TRPC4AP: variants seen among roughly 807,000 people sequenced by gnomAD.
TRPC4AP encodes transient receptor potential cation channel subfamily C member 4 associated protein.
Under a neutral mutation model 99.0 loss-of-function variants are expected in TRPC4AP, and 45 were observed. The observed-to-expected ratio is 0.45, with a 90% CI of 0.36 to 0.58. The LOEUF (loss-of-function observed/expected upper bound fraction) is 0.58, where lower values mean the gene tolerates loss of function less well. Among genes scored for constraint, TRPC4AP ranks in the 20% least tolerant of loss-of-function variants. TRPC4AP has a pLI of 0.00. For missense variants in TRPC4AP, 879 were observed against 985.3 expected (o/e 0.89, Z 1.44); for synonymous variants, 408 against 385.8 (o/e 1.06, Z -0.67).
intron 10 of TRPC4AP, among the ~76,000 whole-genome samples, chr20:35,015,749 A>G (rs982224781): frequency 6.6e-6 from 1 of 152,104 alleles, no homozygotes. Flanking sequence ...TCGGCCTCCC[A>G]AAGTGCTGGG....
chr20:35,002,726 CT>C lies in TRPC4AP; in HGVS notation c.*419del. ...CCACCCCTGCCCAGGGCTCAGAAGC[CT>C]TTGCCTGGGTCCAAAGGCCAGGGAC... is the stretch of plus-strand genomic sequence containing the variant. On this transcript the variant is annotated 3_prime_UTR_variant, in exon 19 of 19. Coordinates refer to ENST00000252015, the MANE Select transcript of TRPC4AP (RefSeq NM_015638.3). The C allele has an allele frequency of 5.5e-6, 1 of 182,894 alleles. No individual in the cohort carries two copies. The highest frequency in any genetic ancestry group is 1.1e-5 in the Non-Finnish European group (1 of 87,118). The allele number at this position is 182,894 out of a possible 1,614,324, so 11.3% of individuals were successfully genotyped here.
chr20:35,076,313 G>C (rs574489445), intron 2 of TRPC4AP, among the ~76,000 whole-genome samples: 1 of 152,210 alleles, frequency 6.6e-6, no homozygotes, highest in African/African-American at 2.4e-5. Flanking sequence ...GTGAGGAGCT[G>C]TGTTCCTTTG....
intron 8 of TRPC4AP, among the ~76,000 whole-genome samples, chr20:35,029,446 C>T (rs962001024): frequency 1.3e-4 from 20 of 152,030 alleles, no homozygotes; most frequent in African/African-American, 4.6e-4. Context: ...AATCTATTCA[C>T]ATTTAATGTT....
intron 1 of TRPC4AP, among the ~76,000 whole-genome samples, chr20:35,082,428 A>G (rs986624407): frequency 6.6e-6 from 1 of 152,242 alleles, no homozygotes; most frequent in Non-Finnish European, 1.5e-5. Context: ...AAAGATAGTT[A>G]TAAAATCCCC....
intron 15 of TRPC4AP, 128 bp from the exon 16 acceptor site, chr20:35,005,931 G>T: frequency 1.3e-6 from 1 of 763,352 alleles, no homozygotes; most frequent in Middle Eastern, 3.8e-4. Flanking sequence ...TAGGAAGACA[G>T]AGGCTCAGAT....
intron 6 of TRPC4AP, among the ~76,000 whole-genome samples, chr20:35,046,012 C>T (rs2083554636): frequency 6.6e-6 from 1 of 152,164 alleles, no homozygotes; most frequent in Non-Finnish European, 1.5e-5. Context: ...CAGTTTTTCA[C>T]TATTAAACAA....
chr20:35,092,250 C>T (rs1207633455), intron 1 of TRPC4AP, among the ~76,000 whole-genome samples: 5 of 152,162 alleles, frequency 3.3e-5, no homozygotes, highest in Admixed American at 2.6e-4. Flanking sequence ...ACCCCCTCCC[C>T]CACGCCCAAT....
At chr20:35,069,516 C>A in intron 2 of TRPC4AP, 104 bp from the exon 3 acceptor site, 1 of 728,346 alleles carries the variant, frequency 1.4e-6, no homozygotes, top group Non-Finnish European at 2.4e-6. Context: ...TTCCCATGAA[C>A]ACAAAGACAG....
chr20:35,060,170 G>T (rs923541056), intron 3 of TRPC4AP, among the ~76,000 whole-genome samples: 1 of 152,122 alleles, frequency 6.6e-6, no homozygotes, highest in Non-Finnish European at 1.5e-5. Flanking sequence ...CATTCTTTGA[G>T]GCGAGTATTA....
intron 6 of TRPC4AP, 101 bp from the exon 7 acceptor site, chr20:35,044,813 G>T: frequency 9.0e-7 from 1 of 1,114,550 alleles, no homozygotes; most frequent in Non-Finnish European, 1.3e-6. Context: ...TTAGTGGCTA[G>T]ATCACTTAGG....
At chr20:35,043,177 AAGC>A (rs1416931665) in intron 7 of TRPC4AP, among the ~76,000 whole-genome samples, 1 of 152,136 alleles carries the variant, frequency 6.6e-6, no homozygotes, top group East Asian at 1.9e-4. Context: ...TGAATACACT[AAGC>A]AGTCCAGTGT....
chr20:35,060,741 A>T (rs1238895426), intron 3 of TRPC4AP, among the ~76,000 whole-genome samples: 1 of 152,152 alleles, frequency 6.6e-6, no homozygotes, highest in African/African-American at 2.4e-5. Context: ...GCCAAAAGCC[A>T]CACGGTCATC....
chr20:35,061,254 A>G (rs1413054516), intron 3 of TRPC4AP, among the ~76,000 whole-genome samples: 3 of 152,250 alleles, frequency 2.0e-5, no homozygotes. Context: ...GGAGCATCAA[A>G]AACAGTAAAA....
rs4911457 is a variant in TRPC4AP, at chr20:35,021,676, G to T, written c.1052-320C>A. Among the ~76,000 whole-genome samples, 673 of 152,272 alleles carry T rather than the reference G, an allele frequency of 4.4e-3. 3 individuals carry two copies. Among genetic ancestry groups the T allele is most frequent in the Non-Finnish European group, 6.5e-3 (445 of 68,026 alleles). ...CTCCTGCCACCAACCAGACCCCCAG[G>T]AAGTGCCCAGGCAGATGTATGACAG... On this transcript the variant is annotated intron_variant, in intron 8 of 18. Coordinates refer to ENST00000252015, the MANE Select transcript of TRPC4AP (RefSeq NM_015638.3).
chr20:35,049,689 CA>C (rs2083650057), intron 6 of TRPC4AP, among the ~76,000 whole-genome samples, 176 bp downstream of exon 6: 1 of 152,136 alleles, frequency 6.6e-6, no homozygotes, highest in Admixed American at 6.5e-5. Context: ...TTAGGTTTTA[CA>C]GTCATTTAAG....
intron 9 of TRPC4AP, among the ~76,000 whole-genome samples, chr20:35,018,384 C>T (rs370185618): frequency 6.6e-6 from 1 of 151,938 alleles, no homozygotes; most frequent in Non-Finnish European, 1.5e-5. Flanking sequence ...TCACTTGAGG[C>T]CAGGAGTTTC....
chr20:35,022,300 C>T (rs1338797692), intron 8 of TRPC4AP, among the ~76,000 whole-genome samples: 1 of 152,222 alleles, frequency 6.6e-6, no homozygotes, highest in Non-Finnish European at 1.5e-5. Context: ...GGACTACAGG[C>T]ATGTGCCACC....
intron 1 of TRPC4AP, among the ~76,000 whole-genome samples, chr20:35,092,163 G>A (rs865975277): frequency 1.3e-5 from 2 of 152,182 alleles, no homozygotes; most frequent in Non-Finnish European, 2.9e-5. Context: ...GAAAGGGGAA[G>A]GAAAGAGTGT....
chr20:35,015,587 C>T (rs547194037), intron 10 of TRPC4AP, among the ~76,000 whole-genome samples: 9 of 151,622 alleles, frequency 5.9e-5, no homozygotes, highest in African/African-American at 1.5e-4. Context: ...CTCAGCCTCC[C>T]GAAGAGTTGG....
Sources: gnomAD v4.1 joint callset for allele counts (sites outside exome capture counted in the v4.1 genomes callset) on GRCh38, gnomAD v4.1.1 for gene constraint, MANE v1.5 for transcripts, NCBI Gene and HGNC (gene_info 2026-07-23, HGNC 2026-07-21) for gene names.